The following PHLPP1 variants were observed in gnomAD, a reference collection of about 807,000 sequenced individuals.
The protein encoded by PHLPP1 is PH domain and leucine rich repeat protein phosphatase 1, also known as PH domain leucine-rich repeat-containing protein phosphatase 1.
PHLPP1 carries 42 observed loss-of-function variants against 117.2 expected under a neutral mutation model. The observed-to-expected ratio is 0.36, with a 90% CI of 0.28 to 0.46. The LOEUF (loss-of-function observed/expected upper bound fraction) is 0.46, where lower values mean the gene tolerates loss of function less well. Ranked by LOEUF, PHLPP1 falls within the 20% of genes least tolerant of loss-of-function variation. The probability of loss-of-function intolerance (pLI) is 1.00; values close to 1 mark genes in which losing one functional copy is unlikely to be tolerated. For synonymous variants in PHLPP1, 1,042 were observed against 970.7 expected, an observed-to-expected ratio of 1.07 and a Z score of -1.37; for missense variants, 2,084 against 2,241.9, an observed-to-expected ratio of 0.93 and a Z score of 1.42.
rs527881868 is a variant in PHLPP1 at position 62,924,416 on chromosome 18, A to G, written c.2960+4302A>G. Among the ~76,000 whole-genome samples, 4 of 152,260 alleles carry G rather than the reference A, an allele frequency of 2.6e-5. No homozygotes were observed. In the East Asian group the frequency reaches 7.7e-4, roughly 29 times the overall value. On this transcript the variant is annotated intron_variant, in intron 10 of 16. Transcript: ENST00000262719. Reference sequence around the variant, plus strand: ...ACTACCAAGTGTCAAGAGAAATATCAGAGAAGCATGTGTTGTTGGACACAG... The same window carrying G: ...ACTACCAAGTGTCAAGAGAAATATCGGAGAAGCATGTGTTGTTGGACACAG...
chr18:62,966,513 C>T lies in PHLPP1; in HGVS notation c.3560+3041C>T, dbSNP rs577135395. Among the ~76,000 whole-genome samples, 22 of 142,532 alleles carry T rather than the reference C, an allele frequency of 1.5e-4. No individual in the cohort carries two copies. In the South Asian group the frequency reaches 4.4e-3, roughly 29 times the overall value. 93.5% of individuals were successfully genotyped at this position (142,532 alleles called of 152,430 possible). ...TGAGACGGAGTCTTGTGCCGTTGCC[C>T]AGGCTGGAGTACAGTGGTGCAGTCT... On this transcript the variant is annotated intron_variant, in intron 14 of 16. Transcript: ENST00000262719.
At chr18:62,726,087 A>G (rs1189567877) in intron 1 of PHLPP1, among the ~76,000 whole-genome samples, 1 of 151,950 alleles carries the variant, frequency 6.6e-6, no homozygotes, top group Non-Finnish European at 1.5e-5. Context: ...TTCCTTATGC[A>G]CACACACACT....
chr18:62,845,324 T>C (rs1722262822), intron 3 of PHLPP1, among the ~76,000 whole-genome samples: 1 of 152,134 alleles, frequency 6.6e-6, no homozygotes, highest in South Asian at 2.1e-4. Context: ...GAAAAAGTCA[T>C]TGCAGTGAAC....
At chr18:62,955,931 T>A (rs903898661) in intron 12 of PHLPP1, among the ~76,000 whole-genome samples, 1 of 152,180 alleles carries the variant, frequency 6.6e-6, no homozygotes, top group African/African-American at 2.4e-5. Context: ...TGATGTGTAC[T>A]GACTCTGTTG....
At chr18:62,813,673 C>T (rs7232566) in intron 1 of PHLPP1, among the ~76,000 whole-genome samples, 2,254 of 152,234 alleles carry the variant, frequency 0.015, 58 homozygotes, top group African/African-American at 0.051. Flanking sequence ...CAAAATCTCA[C>T]GCTCCTGCCC....
intron 10 of PHLPP1, among the ~76,000 whole-genome samples, chr18:62,929,870 A>T (rs1238437286): frequency 6.6e-6 from 1 of 152,150 alleles, no homozygotes; most frequent in African/African-American, 2.4e-5. Flanking sequence ...CCTCTCAGGA[A>T]TCCTTGAGTC....
At chr18:62,970,000 T>A (rs1355866670) in intron 14 of PHLPP1, among the ~76,000 whole-genome samples, 1 of 152,232 alleles carries the variant, frequency 6.6e-6, no homozygotes, top group Admixed American at 6.5e-5. Flanking sequence ...ACCTTACTAT[T>A]GTTTTCTATT....
intron 2 of PHLPP1, among the ~76,000 whole-genome samples, chr18:62,834,900 C>T (rs570060248): frequency 2.0e-5 from 3 of 151,946 alleles, no homozygotes; most frequent in Non-Finnish European, 4.4e-5. Context: ...CCCTAAGAAA[C>T]CTTTTGCTTG....
chr18:62,788,893 G>T (rs960778429), intron 1 of PHLPP1, among the ~76,000 whole-genome samples: 2 of 151,998 alleles, frequency 1.3e-5, no homozygotes, highest in African/African-American at 4.8e-5. Flanking sequence ...AAGGGAACCA[G>T]TTCTACCAGG....
intron 13 of PHLPP1, among the ~76,000 whole-genome samples, chr18:62,960,670 T>C (rs1910741738): frequency 6.6e-6 from 1 of 152,186 alleles, no homozygotes; most frequent in African/African-American, 2.4e-5. Flanking sequence ...AAATAAAATA[T>C]TTGAATAACA....
At chr18:62,929,683 C>T (rs183042971) in intron 10 of PHLPP1, among the ~76,000 whole-genome samples, 13 of 152,304 alleles carry the variant, frequency 8.5e-5, no homozygotes, top group African/African-American at 2.9e-4. Flanking sequence ...AGTGGTGGCT[C>T]ATGCGTGTTG....
At chr18:62,969,715 T>C (rs888998517) in intron 14 of PHLPP1, among the ~76,000 whole-genome samples, 18 of 152,234 alleles carry the variant, frequency 1.2e-4, no homozygotes, top group African/African-American at 4.1e-4. Context: ...CCTTTATCAT[T>C]ATGACTCTCT....
chr18:62,829,155 A>G (rs1246591314), intron 1 of PHLPP1, among the ~76,000 whole-genome samples: 1 of 152,214 alleles, frequency 6.6e-6, no homozygotes. Context: ...TAAGCATTGT[A>G]GGACCCATTC....
At chr18:62,862,493 A>G (rs529534190) in intron 4 of PHLPP1, among the ~76,000 whole-genome samples, 18 of 152,310 alleles carry the variant, frequency 1.2e-4, no homozygotes, top group African/African-American at 3.4e-4. Context: ...TTTGAAGGCC[A>G]TTATTGGCAG....
At position 62,715,862 on chromosome 18, in the gene PHLPP1, C is replaced by T; in HGVS notation, c.179C>T (p.Pro60Leu). ...GAGCCCGCGCTGACCCCGGCGGCCC[C>T]GAGCGGCGGGAACGGCAGCGGCAGC... Reference protein sequence around the residue: ...SPEPALTPAAPSGGNGSGSGA... With the variant: ...SPEPALTPAALSGGNGSGSGA... The change falls in exon 1 of 17, where the codon CCG (proline) becomes CTG (leucine). Residue 60 changes from proline to leucine, a missense_variant. Physicochemically the swap from Pro to Leu is moderately conservative, Grantham distance 98. Around this residue, in one of 2 missense-constraint regions of PHLPP1, gnomAD observed 719 missense variants for 636.0 expected, o/e 1.13. Coordinates refer to ENST00000262719, the MANE Select transcript of PHLPP1 (RefSeq NM_194449.4). 2.5e-6 allele frequency: 2 copies of T among 811,726 alleles called. No individual in the cohort carries two copies. Among genetic ancestry groups the T allele is most frequent in the Non-Finnish European group, 3.0e-6 (2 of 672,242 alleles). 50.3% of individuals were successfully genotyped at this position (811,726 alleles called of 1,614,324 possible).
chr18:62,877,232 A>T (rs1256518690), intron 4 of PHLPP1, among the ~76,000 whole-genome samples: 1 of 152,218 alleles, frequency 6.6e-6, no homozygotes, highest in Non-Finnish European at 1.5e-5. Context: ...CATTACCAAA[A>T]GCCCACATTT....
intron 1 of PHLPP1, among the ~76,000 whole-genome samples, chr18:62,753,234 CTT>C (rs1219885812): frequency 6.6e-6 from 1 of 152,108 alleles, no homozygotes; most frequent in Admixed American, 6.5e-5. Flanking sequence ...GTAAAGTTCT[CTT>C]TTTTAATATG....
chr18:62,772,918 A>G (rs1346025481), intron 1 of PHLPP1, among the ~76,000 whole-genome samples: 2 of 151,770 alleles, frequency 1.3e-5, no homozygotes, highest in African/African-American at 4.8e-5. Context: ...TACAATCCTT[A>G]TATATAGTTA....
At chr18:62,739,324 G>A (rs914085353) in intron 1 of PHLPP1, among the ~76,000 whole-genome samples, 2 of 152,204 alleles carry the variant, frequency 1.3e-5, no homozygotes, top group Non-Finnish European at 2.9e-5. Flanking sequence ...ATGTTTATAT[G>A]AAGGTCAGTT....
Sources: gnomAD v4.1 joint callset for allele counts (sites outside exome capture counted in the v4.1 genomes callset) on GRCh38, gnomAD v4.1.1 for gene constraint, gnomAD v4.1.1 regional missense constraint, MANE v1.5 for transcripts, NCBI Gene and HGNC (gene_info 2026-07-23, HGNC 2026-07-21) for gene names.